Variants in MLLT10 observed in about 807,000 individuals in gnomAD.
MLLT10 encodes MLLT10 histone lysine methyltransferase DOT1L cofactor.
MLLT10 carries 30 observed loss-of-function variants against 129.1 expected under a neutral mutation model. That is an observed-to-expected ratio of 0.23 (90% CI 0.17 to 0.32). MLLT10 has a LOEUF of 0.32. MLLT10 is among the 10% of genes least tolerant of loss of function. The pLI is 1.00. For missense variants in MLLT10, 1,119 were observed against 1,268.3 expected (o/e 0.88, Z 1.79); for synonymous variants, 490 against 446.4 (o/e 1.10, Z -1.23).
intron 3 of MLLT10, among the ~76,000 whole-genome samples, chr10:21,574,386 A>G (rs2040517593): frequency 6.6e-6 from 1 of 152,118 alleles, no homozygotes; most frequent in Non-Finnish European, 1.5e-5. Context: ...CAGATTGTCA[A>G]CTTTTTAGGT....
chr10:21,554,069 G>T (rs1267519727), intron 3 of MLLT10, among the ~76,000 whole-genome samples: 1 of 152,104 alleles, frequency 6.6e-6, no homozygotes, highest in Non-Finnish European at 1.5e-5. Flanking sequence ...ATTGTACTAG[G>T]TACACAGTGG....
chr10:21,671,646 A>G (rs1235499151), intron 10 of MLLT10, among the ~76,000 whole-genome samples: 1 of 152,050 alleles, frequency 6.6e-6, no homozygotes, highest in African/African-American at 2.4e-5. Context: ...TTAGCCAGGC[A>G]TGGTGGCACA....
Position 21,602,540 on chromosome 10 carries a change from G to A in MLLT10, c.405+7100G>A, listed in dbSNP as rs58314916. Among the ~76,000 whole-genome samples the A allele has an allele frequency of 9.1e-3, 1,382 of 152,180 alleles. 16 individuals carry two copies. Among genetic ancestry groups the A allele is most frequent in the African/African-American group, 0.031 (1,288 of 41,488 alleles). On this transcript the variant is annotated intron_variant, in intron 5 of 22. Transcript: ENST00000307729. ...TGTTAGTTGCAAAAAGTCTGAGTGA[G>A]ATAGACTCCTAGATTAACTTATCTT...
At chr10:21,573,378 G>A (rs1564435592) in intron 3 of MLLT10, among the ~76,000 whole-genome samples, 1 of 152,148 alleles carries the variant, frequency 6.6e-6, no homozygotes, top group Non-Finnish European at 1.5e-5. Context: ...GTTTGTTATA[G>A]TCACAGACCC....
Position 21,709,431 on chromosome 10 carries a change from A to G in MLLT10, c.1700-4341A>G, listed in dbSNP as rs529544001. On this transcript the variant is annotated intron_variant, in intron 13 of 22. Transcript: ENST00000307729. ...ATTTTTAGTAGAGATGGGTTTCGCC[A>G]TGTTGGCCAGGCTGGTCTCAAACTC... Among the ~76,000 whole-genome samples, 3 of 152,212 alleles carry G rather than the reference A, an allele frequency of 2.0e-5. No homozygotes were observed. In the South Asian group the frequency reaches 6.2e-4, roughly 32 times the overall value.
chr10:21,601,251 G>C (rs1768541991), intron 5 of MLLT10, among the ~76,000 whole-genome samples: 1 of 152,038 alleles, frequency 6.6e-6, no homozygotes, highest in Admixed American at 6.6e-5. Context: ...TGGCCTCTTT[G>C]TGTCTTTTGT....
intron 21 of MLLT10, chr10:21,738,355 CCATTT>C: frequency 8.0e-7 from 1 of 1,247,878 alleles, no homozygotes; most frequent in Non-Finnish European, 1.0e-6. Context: ...CACTAAAACT[CCATTT>C]ATTTGGGTGT....
In MLLT10 at chr10:21,542,494, C is replaced by T. The variant is rs12763988; in HGVS notation, c.240+3582C>T. ...CTGAAGCAGGAGATCCGCCCGAACC[C>T]GGGAGGCAGAGGTTGCAGTGAGCTG... On this transcript the variant is annotated intron_variant, in intron 3 of 22. Transcript: ENST00000307729. Among the ~76,000 whole-genome samples the T allele has an allele frequency of 3.0e-3, 453 of 152,268 alleles. 1 individual carries two copies. The highest frequency in any genetic ancestry group is 5.4e-3 in the Non-Finnish European group (365 of 68,026).
At position 21,723,180 on chromosome 10, in the gene MLLT10, A is replaced by G. The variant is rs111835867; in HGVS notation, c.1879-3064A>G. Among the ~76,000 whole-genome samples the G allele has an allele frequency of 6.8e-4, 104 of 152,238 alleles. 1 individual carries two copies. The highest frequency in any genetic ancestry group is 1.1e-3 in the Non-Finnish European group (76 of 67,992). On this transcript the variant is annotated intron_variant, in intron 14 of 22. Coordinates refer to ENST00000307729, the MANE Select transcript of MLLT10 (RefSeq NM_001195626.3). ...GATACTTTATCTTTTTTTGATGATC[A>G]TCATTATGCAAATTAGTTGTTGTGC...
At chr10:21,650,044 G>A (rs2048872302) in intron 8 of MLLT10, among the ~76,000 whole-genome samples, 1 of 152,112 alleles carries the variant, frequency 6.6e-6, no homozygotes, top group African/African-American at 2.4e-5. Context: ...GGGCAACATA[G>A]TGAGACCCCT....
At chr10:21,566,964 C>T (rs1588980103) in intron 3 of MLLT10, among the ~76,000 whole-genome samples, 1 of 152,188 alleles carries the variant, frequency 6.6e-6, no homozygotes, top group East Asian at 1.9e-4. Flanking sequence ...CAGGCATGCA[C>T]CACCACACCT....
chr10:21,688,510 A>C lies in MLLT10; in HGVS notation c.1699+6253A>C, dbSNP rs74657576. The C allele has an allele frequency of 2.5e-3, 4,020 of 1,613,082 alleles. 131 individuals carry two copies. The East Asian group carries it at 0.076, about 30-fold the overall frequency. On this transcript the variant is annotated intron_variant, in intron 13 of 22. Coordinates refer to ENST00000307729, the MANE Select transcript of MLLT10 (RefSeq NM_001195626.3). ...CTTTAGACAGAGGTGACAGTTCTAC[A>C]CTAACAAAGCAAGAACTTAAATTCA...
chr10:21,559,537 TCA>T (rs1161478276), intron 3 of MLLT10, among the ~76,000 whole-genome samples: 1 of 152,216 alleles, frequency 6.6e-6, no homozygotes, highest in Admixed American at 6.5e-5. Context: ...TTAAGTACAT[TCA>T]CAGTGTTTAT....
At chr10:21,683,191 T>G (rs2052923791) in intron 13 of MLLT10, among the ~76,000 whole-genome samples, 1 of 152,186 alleles carries the variant, frequency 6.6e-6, no homozygotes, top group African/African-American at 2.4e-5. Flanking sequence ...ACACTCTTGT[T>G]GCCTTAAGGG....
chr10:21,679,601 C>G (rs951943740), intron 11 of MLLT10, among the ~76,000 whole-genome samples: 1 of 152,184 alleles, frequency 6.6e-6, no homozygotes, highest in South Asian at 2.1e-4. Flanking sequence ...TAATGGAACA[C>G]GAGGCATAAA....
At position 21,742,614 on chromosome 10, in the gene MLLT10, C is replaced by CT. The variant is rs1833820473; in HGVS notation, c.*635dup. ...GTCTGCATCTGCTAAAGGTAATTTT[C>CT]TTTTGAGAATTGCTTTCTTTAGTGT... On this transcript the variant is annotated 3_prime_UTR_variant, in exon 23 of 23. Coordinates refer to ENST00000307729, the MANE Select transcript of MLLT10 (RefSeq NM_001195626.3). 4.5e-6 allele frequency: 1 copy of CT among 220,904 alleles called. No individual in the cohort carries two copies. Among genetic ancestry groups the CT allele is most frequent in the Non-Finnish European group, 9.1e-6 (1 of 110,476 alleles). The allele number at this position is 220,904 out of a possible 1,614,324, so 13.7% of individuals were successfully genotyped here.
intron 3 of MLLT10, among the ~76,000 whole-genome samples, chr10:21,560,437 T>C (rs757848451): frequency 1.2e-4 from 18 of 152,202 alleles, no homozygotes; most frequent in Non-Finnish European, 2.1e-4. Flanking sequence ...TTATTTTCTG[T>C]TGTTCTTACT....
chr10:21,731,123 A>T, intron 17 of MLLT10, 69 bp downstream of exon 17: 1 of 1,412,780 alleles, frequency 7.1e-7, no homozygotes, highest in Non-Finnish European at 9.7e-7. Flanking sequence ...AGATGGATGC[A>T]GAAGTCACTT....
intron 14 of MLLT10, among the ~76,000 whole-genome samples, chr10:21,715,576 A>G (rs987654204): frequency 2.0e-5 from 3 of 152,186 alleles, no homozygotes; most frequent in Non-Finnish European, 4.4e-5. Context: ...AACATTTTCA[A>G]TGTGCATTTC....
Sources: gnomAD v4.1 joint callset for allele counts (sites outside exome capture counted in the v4.1 genomes callset) on GRCh38, gnomAD v4.1.1 for gene constraint, MANE v1.5 for transcripts, NCBI Gene and HGNC (gene_info 2026-07-23, HGNC 2026-07-21) for gene names.